The following TRERF1 variants were observed in gnomAD, a reference collection of about 807,000 sequenced individuals.
The protein encoded by TRERF1 is transcriptional-regulating factor 1.
In TRERF1, 27 loss-of-function variants were observed where a neutral mutation model predicts 122.9. The ratio of observed to expected loss-of-function variants is 0.22; its 90% CI spans 0.16 to 0.30. The LOEUF is 0.30. Ranked by LOEUF, TRERF1 falls within the 10% of genes least tolerant of loss-of-function variation. The pLI is 1.00. For missense variants in TRERF1, 1,248 were observed against 1,560.3 expected, an observed-to-expected ratio of 0.80 and a Z score of 3.37; for synonymous variants, 636 against 641.7, an observed-to-expected ratio of 0.99 and a Z score of 0.13.
At chr6:42,447,810 T>C (rs1388367189) in intron 2 of TRERF1, among the ~76,000 whole-genome samples, 1 of 152,138 alleles carries the variant, frequency 6.6e-6, no homozygotes, top group East Asian at 1.9e-4. Flanking sequence ...GTTCAAGCAC[T>C]TCTCATGCCT....
chr6:42,251,969 C>T (rs889134389), intron 13 of TRERF1, among the ~76,000 whole-genome samples: 4 of 152,256 alleles, frequency 2.6e-5, no homozygotes, highest in African/African-American at 9.6e-5. Context: ...GGCTTCGTCT[C>T]CACCCTGACT....
chr6:42,256,754 G>A, exon 12 of TRERF1: 2 of 1,614,182 alleles, frequency 1.2e-6, no homozygotes, highest in Non-Finnish European at 1.7e-6. Context: ...GCCTCAAACA[G>A]AGAGTGCAAA....
intron 2 of TRERF1, among the ~76,000 whole-genome samples, chr6:42,427,916 C>CTTGAACAG (rs1409743858): frequency 6.6e-6 from 1 of 151,984 alleles, no homozygotes; most frequent in African/African-American, 2.4e-5. Context: ...GTATGTATAC[C>CTTGAACAG]TTGAACAGTT....
intron 2 of TRERF1, among the ~76,000 whole-genome samples, chr6:42,445,061 G>A (rs1787223665): frequency 6.6e-6 from 1 of 152,198 alleles, no homozygotes; most frequent in South Asian, 2.1e-4. Context: ...CTGAGGTCAG[G>A]AGTTTGAGAC....
At chr6:42,378,049 G>T (rs1775219062) in intron 2 of TRERF1, among the ~76,000 whole-genome samples, 1 of 152,112 alleles carries the variant, frequency 6.6e-6, no homozygotes, top group East Asian at 1.9e-4. Context: ...CAAGGGATTG[G>T]GAAGGGGGAA....
chr6:42,243,822 C>T lies in TRERF1; in HGVS notation c.2746-461G>A, dbSNP rs146411428. The stretch of plus-strand genomic sequence containing the variant: ...GTCTTGATCTCCTGACCTCGTGATC[C>T]GCCCACCTCGGCCTCCCAAAGCACT... On this transcript the variant is annotated intron_variant, in intron 14 of 17. Coordinates refer to ENST00000372922, the Ensembl canonical transcript of TRERF1. Among the ~76,000 whole-genome samples, 715 of 151,456 alleles carry T rather than the reference C, an allele frequency of 4.7e-3. 8 individuals carry two copies. The highest frequency in any genetic ancestry group is 0.016 in the African/African-American group (666 of 41,184).
At chr6:42,440,696 G>A (rs1314849889) in intron 2 of TRERF1, among the ~76,000 whole-genome samples, 1 of 152,122 alleles carries the variant, frequency 6.6e-6, no homozygotes, top group African/African-American at 2.4e-5. Context: ...AAGAGAAAAT[G>A]TATTTTAATT....
intron 10 of TRERF1, among the ~76,000 whole-genome samples, chr6:42,257,598 A>G (rs576991858): frequency 6.6e-6 from 1 of 152,358 alleles, no homozygotes; most frequent in Non-Finnish European, 1.5e-5. Context: ...ATCAAGATCA[A>G]ATTACAAAAT....
Position 42,263,226 on chromosome 6 carries a change from C to A in TRERF1, c.1884+94G>T. The A allele has an allele frequency of 4.0e-6, 6 of 1,484,594 alleles. No homozygotes were observed. Among genetic ancestry groups the A allele is most frequent in the Non-Finnish European group, 5.4e-6 (6 of 1,112,890 alleles). 92.0% of individuals were successfully genotyped at this position (1,484,594 alleles called of 1,614,324 possible). Reference sequence around the variant, plus strand: ...TCTCCAAGAAAGCAAAGGGATGTCCCCACCCAGGCAGGTGGGGCAGAGCAG... The same window carrying A: ...TCTCCAAGAAAGCAAAGGGATGTCCACACCCAGGCAGGTGGGGCAGAGCAG... On this transcript the variant is annotated intron_variant, in intron 8 of 17. Transcript: ENST00000372922. The surrounding 1 kb of genome is among the most constrained non-coding windows in gnomAD (Gnocchi z 5.6).
intron 3 of TRERF1, among the ~76,000 whole-genome samples, chr6:42,348,042 G>T (rs997402012): frequency 6.6e-6 from 1 of 152,178 alleles, no homozygotes; most frequent in African/African-American, 2.4e-5. Flanking sequence ...TAGGAACCTT[G>T]CCAATAGTGA....
At chr6:42,408,246 TATAC>T (rs1562152658) in intron 2 of TRERF1, among the ~76,000 whole-genome samples, 1 of 91,666 alleles carries the variant, frequency 1.1e-5, no homozygotes, top group African/African-American at 5.1e-5. Flanking sequence ...TGTATGTATA[TATAC>T]ATACACATGT....
At chr6:42,411,889 T>C (rs1033392207) in intron 2 of TRERF1, among the ~76,000 whole-genome samples, 15 of 152,186 alleles carry the variant, frequency 9.9e-5, no homozygotes, top group African/African-American at 1.7e-4. Flanking sequence ...TTCTTATCTG[T>C]AAATGAACAC....
intron 2 of TRERF1, among the ~76,000 whole-genome samples, chr6:42,371,492 A>G (rs1321242247): frequency 6.6e-6 from 1 of 152,162 alleles, no homozygotes; most frequent in Non-Finnish European, 1.5e-5. Context: ...GGTCCTCCCA[A>G]TGTAGCGGTT....
chr6:42,240,607 T>C (rs142191255), intron 15 of TRERF1, among the ~76,000 whole-genome samples: 1 of 152,374 alleles, frequency 6.6e-6, no homozygotes, highest in African/African-American at 2.4e-5. Context: ...ACTTTCTTCC[T>C]GTAAAATGGT....
At position 42,428,468 on chromosome 6, in the gene TRERF1, T is replaced by C. The variant is rs142435778; in HGVS notation, c.-454+22709A>G. On this transcript the variant is annotated intron_variant, in intron 2 of 17. Coordinates refer to ENST00000372922, the Ensembl canonical transcript of TRERF1. Reference sequence around the variant, plus strand: ...TTTATTAGCAGATGAGACACCAAGATTGGGGTGGAGGGGGTGCGAGAGGGT... The same window carrying C: ...TTTATTAGCAGATGAGACACCAAGACTGGGGTGGAGGGGGTGCGAGAGGGT... 2.1e-3 allele frequency among the ~76,000 whole-genome samples: 323 copies of C among 152,170 alleles called. 2 individuals carry two copies. The highest frequency in any genetic ancestry group is 6.8e-3 in the African/African-American group (281 of 41,502).
At chr6:42,250,715 C>A (rs764687743) in intron 13 of TRERF1, among the ~76,000 whole-genome samples, 1 of 152,102 alleles carries the variant, frequency 6.6e-6, no homozygotes, top group Non-Finnish European at 1.5e-5. Context: ...CTATTACCAG[C>A]AGGGGCCCCT....
chr6:42,243,076 T>C (rs1289164233), intron 15 of TRERF1, among the ~76,000 whole-genome samples, 172 bp downstream of exon 15: 1 of 152,174 alleles, frequency 6.6e-6, no homozygotes, highest in Admixed American at 6.5e-5. Flanking sequence ...TTCTTTCCTT[T>C]AAACCTACTC....
chr6:42,362,480 G>A (rs1771953839), intron 3 of TRERF1, among the ~76,000 whole-genome samples: 1 of 152,220 alleles, frequency 6.6e-6, no homozygotes, highest in South Asian at 2.1e-4. Context: ...GAAACAGCTT[G>A]TGGGAGGCCC....
rs900418157 is a variant in TRERF1 at position 42,275,408 on chromosome 6, C to G, written c.-258-5560G>C. ...TGGGCTCAACAAATAAATGCCCACTCAGAACCTAAGGTGCCACTCCACGCT... is the reference window on the plus strand; with the variant it reads ...TGGGCTCAACAAATAAATGCCCACTGAGAACCTAAGGTGCCACTCCACGCT... On this transcript the variant is annotated intron_variant, in intron 4 of 17. Transcript: ENST00000372922. This position sits in a 1 kb window ranked among gnomAD's most constrained non-coding sequence, Gnocchi z 4.1. Among the ~76,000 whole-genome samples the G allele has an allele frequency of 6.6e-6, 1 of 152,216 alleles. No homozygotes were observed. The highest frequency in any genetic ancestry group is 1.9e-4 in the East Asian group (1 of 5,204).
Sources: allele counts gnomAD v4.1 joint callset (sites outside exome capture counted in the v4.1 genomes callset), GRCh38; gene constraint gnomAD v4.1.1; non-coding constraint Gnocchi (gnomAD v3.1); transcripts MANE v1.5; gene names NCBI Gene and HGNC (gene_info 2026-07-23, HGNC 2026-07-21).